ITGBL1: variants seen among roughly 807,000 people sequenced by gnomAD.
ITGBL1 encodes the protein integrin beta-like protein 1.
ITGBL1 carries 51 observed loss-of-function variants against 68.5 expected under a neutral mutation model. That is an observed-to-expected ratio of 0.74 (90% CI 0.59 to 0.94). The LOEUF (loss-of-function observed/expected upper bound fraction) is 0.94, where lower values mean the gene tolerates loss of function less well. ITGBL1 is among the 40% of genes least tolerant of loss of function. The pLI, the probability that ITGBL1 is intolerant of heterozygous loss-of-function variation, is 0.00. For synonymous variants in ITGBL1, 209 were observed against 227.3 expected, an observed-to-expected ratio of 0.92 and a Z score of 0.72; for missense variants, 649 against 647.4, an observed-to-expected ratio of 1.00 and a Z score of -0.03.
downstream of ITGBL1, chr13:101,720,568 ATGTG>A (rs1173322733): frequency 7.3e-6 from 1 of 137,180 alleles, no homozygotes; most frequent in Non-Finnish European, 1.5e-5. Context: ...GTGTGTGTAT[ATGTG>A]TGTGTTTGTG....
intron 2 of ITGBL1, among the ~76,000 whole-genome samples, chr13:101,528,700 A>G (rs980408044): frequency 6.6e-6 from 1 of 151,984 alleles, no homozygotes; most frequent in African/African-American, 2.4e-5. Context: ...GTTCTGTCAA[A>G]GTCGTTAAGT....
chr13:101,454,169 T>C, intron 2 of ITGBL1, 69 bp downstream of exon 2: 1 of 1,206,254 alleles, frequency 8.3e-7, no homozygotes, highest in Non-Finnish European at 1.1e-6. Context: ...TGCCACTCCC[T>C]AGAAGAGTGA....
intron 3 of ITGBL1, among the ~76,000 whole-genome samples, chr13:101,570,793 T>A (rs1453677013): frequency 1.3e-5 from 2 of 152,194 alleles, no homozygotes; most frequent in African/African-American, 4.8e-5. Context: ...TTCTGATTGG[T>A]TAAACTTAAG....
intron 7 of ITGBL1, among the ~76,000 whole-genome samples, chr13:101,650,071 T>A (rs1244480821): frequency 7.0e-6 from 1 of 143,736 alleles, no homozygotes; most frequent in Non-Finnish European, 1.5e-5. Context: ...GAGAGATAAT[T>A]AGCGTTTTTT....
At chr13:101,492,899 C>T (rs758955305) in intron 2 of ITGBL1, among the ~76,000 whole-genome samples, 4 of 152,224 alleles carry the variant, frequency 2.6e-5, no homozygotes, top group African/African-American at 4.8e-5. Flanking sequence ...CTTCCTCACT[C>T]CCTTTCCTTT....
chr13:101,655,667 T>C (rs1333881102), intron 7 of ITGBL1, among the ~76,000 whole-genome samples: 1 of 152,212 alleles, frequency 6.6e-6, no homozygotes, highest in East Asian at 1.9e-4. Flanking sequence ...CCACTCTTCC[T>C]GCCAACATTC....
intron 8 of ITGBL1, among the ~76,000 whole-genome samples, chr13:101,704,884 G>T (rs1594995365): frequency 6.6e-6 from 1 of 152,230 alleles, no homozygotes; most frequent in East Asian, 1.9e-4. Context: ...TGTAAATCAA[G>T]CTAGGTGAAA....
At chr13:101,483,593 T>C (rs1343699503) in intron 2 of ITGBL1, among the ~76,000 whole-genome samples, 1 of 152,200 alleles carries the variant, frequency 6.6e-6, no homozygotes, top group African/African-American at 2.4e-5. Flanking sequence ...TAGAGGGCAA[T>C]TTTAGTTTCA....
intron 3 of ITGBL1, among the ~76,000 whole-genome samples, chr13:101,568,136 T>C (rs1383626066): frequency 6.6e-6 from 1 of 152,142 alleles, no homozygotes; most frequent in East Asian, 1.9e-4. Context: ...GAATACCGGA[T>C]TACATCTGTT....
chr13:101,643,724 A>T (rs2032467286), intron 7 of ITGBL1, among the ~76,000 whole-genome samples: 1 of 152,114 alleles, frequency 6.6e-6, no homozygotes, highest in Non-Finnish European at 1.5e-5. Flanking sequence ...AACCAGCTGG[A>T]TCCACTGTAG....
At chr13:101,566,167 C>T (rs2050180520) in intron 2 of ITGBL1, among the ~76,000 whole-genome samples, 1 of 152,058 alleles carries the variant, frequency 6.6e-6, no homozygotes, top group Non-Finnish European at 1.5e-5. Flanking sequence ...CCATAAGAAA[C>T]AGCTGATATT....
intron 2 of ITGBL1, among the ~76,000 whole-genome samples, chr13:101,473,189 C>G (rs1028796465): frequency 3.9e-5 from 6 of 152,250 alleles, no homozygotes; most frequent in Admixed American, 6.5e-5. Context: ...TTATGAGAAC[C>G]AAAAACCAGA....
chr13:101,527,200 T>C (rs1043393411), intron 2 of ITGBL1, among the ~76,000 whole-genome samples: 1 of 152,154 alleles, frequency 6.6e-6, no homozygotes, highest in Non-Finnish European at 1.5e-5. Flanking sequence ...ATGATCAAGA[T>C]ACAAAACAAT....
chr13:101,561,507 C>T (rs952847622), intron 2 of ITGBL1, among the ~76,000 whole-genome samples: 6 of 152,002 alleles, frequency 3.9e-5, no homozygotes, highest in African/African-American at 7.2e-5. Context: ...AGATAAATAA[C>T]GAAGAAAACA....
intron 2 of ITGBL1, among the ~76,000 whole-genome samples, chr13:101,545,639 T>C (rs972460078): frequency 1.3e-5 from 2 of 152,108 alleles, no homozygotes; most frequent in Non-Finnish European, 2.9e-5. Flanking sequence ...CATGGTAAAG[T>C]TAGTGCATTC....
intron 2 of ITGBL1, among the ~76,000 whole-genome samples, chr13:101,548,373 A>G (rs371024342): frequency 2.0e-5 from 3 of 151,862 alleles, no homozygotes; most frequent in Non-Finnish European, 3.0e-5. Flanking sequence ...ATCATTTTCC[A>G]TATTGAGAGA....
intron 2 of ITGBL1, among the ~76,000 whole-genome samples, chr13:101,562,424 C>T (rs911820323): frequency 5.9e-5 from 9 of 151,754 alleles, no homozygotes; most frequent in East Asian, 1.9e-4. Context: ...AACTGAGACA[C>T]GACTAATCTA....
intron 2 of ITGBL1, among the ~76,000 whole-genome samples, chr13:101,564,343 G>T (rs2050147024): frequency 6.6e-6 from 1 of 151,770 alleles, no homozygotes; most frequent in Admixed American, 6.6e-5. Context: ...CACTATTAAA[G>T]AAAAAACTTG....
intron 2 of ITGBL1, among the ~76,000 whole-genome samples, chr13:101,542,604 A>G (rs372696851): frequency 8.5e-5 from 13 of 152,144 alleles, no homozygotes; most frequent in Non-Finnish European, 1.2e-4. Context: ...CAATTCCTGG[A>G]TATCCTTGTT....
Sources: gnomAD v4.1 joint callset for allele counts (sites outside exome capture counted in the v4.1 genomes callset) on GRCh38, gnomAD v4.1.1 for gene constraint, MANE v1.5 for transcripts, NCBI Gene and HGNC (gene_info 2026-07-23, HGNC 2026-07-21) for gene names.